SLC35F3: variants seen among roughly 807,000 people sequenced by gnomAD.
The protein encoded by SLC35F3 is putative thiamine transporter SLC35F3.
SLC35F3 carries 25 observed loss-of-function variants against 49.9 expected under a neutral mutation model. The ratio of observed to expected loss-of-function variants is 0.50; its 90% CI spans 0.37 to 0.70. SLC35F3 has a LOEUF of 0.70. SLC35F3 is among the 30% of genes least tolerant of loss of function. The pLI, the probability that SLC35F3 is intolerant of heterozygous loss-of-function variation, is 0.00. For synonymous variants in SLC35F3, 275 were observed against 265.4 expected (o/e 1.04, Z -0.35); for missense variants, 525 against 639.8 (o/e 0.82, Z 1.94).
intron 2 of SLC35F3, among the ~76,000 whole-genome samples, chr1:234,181,338 G>GAAAAAAAAAAAAAAAAGAAAAAAAAAAAA (rs1666553244): frequency 2.1e-5 from 2 of 97,310 alleles, no homozygotes; most frequent in African/African-American, 3.9e-5. Context: ...TCTGTCTCAA[G>GAAAAAAAAAAAAAAAAGAAAAAAAAAAAA]AAAAAAAAAA....
At chr1:234,075,905 A>G (rs1054114803) in intron 2 of SLC35F3, among the ~76,000 whole-genome samples, 1 of 152,204 alleles carries the variant, frequency 6.6e-6, no homozygotes, top group Non-Finnish European at 1.5e-5. Flanking sequence ...TTCTCCTGCA[A>G]CTTGTGGATT....
At chr1:234,300,216 G>T (rs953111609) in intron 3 of SLC35F3, among the ~76,000 whole-genome samples, 1 of 152,142 alleles carries the variant, frequency 6.6e-6, no homozygotes, top group Non-Finnish European at 1.5e-5. Flanking sequence ...TGCTACTGGG[G>T]GAAAACTAGT....
In SLC35F3 at chr1:233,989,188, T is replaced by C. The variant is rs1196740568; in HGVS notation, c.283+83430T>C. Among the ~76,000 whole-genome samples, 5 of 152,288 alleles carry C rather than the reference T, an allele frequency of 3.3e-5. No individual in the cohort carries two copies. The East Asian group carries it at 9.6e-4, about 29-fold the overall frequency. On this transcript the variant is annotated intron_variant, in intron 2 of 7. Transcript: ENST00000366618. ...GACAGTGGGGCTGCACGCATTCTCT[T>C]TCAGAATGTTTAAATACATCACCCT... is the stretch of plus-strand genomic sequence containing the variant.
chr1:234,012,635 C>T (rs112594945), intron 2 of SLC35F3, among the ~76,000 whole-genome samples: 4,650 of 152,330 alleles, frequency 0.031, 215 homozygotes, highest in African/African-American at 0.1. Context: ...TCCCTTAAAC[C>T]TTGATTTCAT....
chr1:234,175,095 C>A (rs1278832496), intron 2 of SLC35F3, among the ~76,000 whole-genome samples: 1 of 152,170 alleles, frequency 6.6e-6, no homozygotes, highest in African/African-American at 2.4e-5. Context: ...CTCAGAAAGA[C>A]GCATACGGCT....
intron 2 of SLC35F3, among the ~76,000 whole-genome samples, chr1:233,933,231 CAGCTTGAACAA>C (rs779519482): frequency 1.7e-4 from 26 of 152,218 alleles, no homozygotes; most frequent in Non-Finnish European, 2.6e-4. Context: ...ATGAAAGAAG[CAGCTTGAACAA>C]AGGTTTGAGG....
chr1:234,018,355 C>G (rs1367703441), intron 2 of SLC35F3, among the ~76,000 whole-genome samples: 1 of 152,198 alleles, frequency 6.6e-6, no homozygotes, highest in Non-Finnish European at 1.5e-5. Context: ...CCCACCTCCT[C>G]CATTCAGCTG....
intron 2 of SLC35F3, among the ~76,000 whole-genome samples, chr1:234,075,480 T>G (rs960798405): frequency 7.2e-5 from 11 of 152,222 alleles, no homozygotes; most frequent in South Asian, 4.1e-4. Context: ...GCTAGGCACA[T>G]TGTGCTGATA....
chr1:234,234,717 G>T (rs1401091964), intron 3 of SLC35F3, among the ~76,000 whole-genome samples: 1 of 152,104 alleles, frequency 6.6e-6, no homozygotes, highest in Non-Finnish European at 1.5e-5. Flanking sequence ...TCCTCTTCAA[G>T]CCCTGGTCCT....
Position 234,143,904 on chromosome 1 carries a change from A to G in SLC35F3, c.284-87513A>G, listed in dbSNP as rs148818596. The stretch of plus-strand genomic sequence containing the variant: ...CCCAGAAGTGGGATGGCTGGGTCAT[A>G]TGATGGAGGGATCTCTTGTTTACAG... On this transcript the variant is annotated intron_variant, in intron 2 of 7. Transcript: ENST00000366618. Among the ~76,000 whole-genome samples, 397 of 152,226 alleles carry G rather than the reference A, an allele frequency of 2.6e-3. 1 individual carries two copies. Among genetic ancestry groups the G allele is most frequent in the African/African-American group, 8.0e-3 (334 of 41,556 alleles).
intron 2 of SLC35F3, among the ~76,000 whole-genome samples, chr1:234,143,817 A>G (rs1408608181): frequency 6.6e-6 from 1 of 152,192 alleles, no homozygotes; most frequent in Non-Finnish European, 1.5e-5. Flanking sequence ...TGATGTTGCA[A>G]TGAACATGGG....
intron 2 of SLC35F3, among the ~76,000 whole-genome samples, chr1:234,131,285 G>T (rs1251101625): frequency 6.6e-6 from 1 of 152,114 alleles, no homozygotes; most frequent in East Asian, 1.9e-4. Flanking sequence ...GGAAAATATG[G>T]GAAATAATTA....
At chr1:234,250,972 G>A (rs1373275296) in intron 3 of SLC35F3, among the ~76,000 whole-genome samples, 1 of 152,134 alleles carries the variant, frequency 6.6e-6, no homozygotes, top group African/African-American at 2.4e-5. Flanking sequence ...CTGGGGATCA[G>A]ATTTCAACAT....
At chr1:234,107,013 A>G (rs552854601) in intron 2 of SLC35F3, among the ~76,000 whole-genome samples, 9 of 152,254 alleles carry the variant, frequency 5.9e-5, no homozygotes, top group South Asian at 2.1e-4. Context: ...TTATGTAACA[A>G]CCAAACTCAA....
In SLC35F3 at chr1:233,993,721, C is replaced by T. The variant is rs567408700; in HGVS notation, c.283+87963C>T. On this transcript the variant is annotated intron_variant, in intron 2 of 7. Coordinates refer to ENST00000366618, the MANE Select transcript of SLC35F3 (RefSeq NM_173508.4). ...CTAGTTCAGTCACTATTCTCAACAA[C>T]ACCTGACCTCCTGAAATCTCGGATC... 8.5e-5 allele frequency among the ~76,000 whole-genome samples: 13 copies of T among 152,292 alleles called. No individual in the cohort carries two copies. The South Asian group carries it at 2.5e-3, about 29-fold the overall frequency.
intron 2 of SLC35F3, among the ~76,000 whole-genome samples, chr1:233,919,075 C>G (rs527541316): frequency 1.2e-4 from 19 of 152,092 alleles, no homozygotes; most frequent in African/African-American, 4.3e-4. Flanking sequence ...TTCAACCTTT[C>G]TGTAAATGTG....
intron 2 of SLC35F3, among the ~76,000 whole-genome samples, chr1:233,951,475 T>C (rs1662607317): frequency 6.6e-6 from 1 of 152,076 alleles, no homozygotes; most frequent in African/African-American, 2.4e-5. Flanking sequence ...CATTATACCA[T>C]ATTTTTTTCT....
rs1657291570 is a variant in SLC35F3 at position 234,309,305 on chromosome 1, A to G, written c.813A>G (p.Arg271=). The change falls in exon 4 of 8, where the codon AGA becomes AGG. Residue 271 remains arginine (R), a synonymous_variant. Coordinates refer to ENST00000366618, the MANE Select transcript of SLC35F3 (RefSeq NM_173508.4). ...TCTCATGGATCGTTCTCAGGGACAG[A>G]TTCATGGGAGTGAGGGTAAGTTCCT... The part of the protein sequence containing the change: ...FLLSWIVLRD[R]FMGVRIVAAI... 4 of 1,614,194 alleles carry G rather than the reference A, an allele frequency of 2.5e-6. No individual in the cohort carries two copies. Among genetic ancestry groups the G allele is most frequent in the Non-Finnish European group, 3.4e-6 (4 of 1,180,004 alleles).
chr1:234,020,995 T>C lies in SLC35F3; in HGVS notation c.283+115237T>C, dbSNP rs550436223. 3.3e-5 allele frequency among the ~76,000 whole-genome samples: 5 copies of C among 152,344 alleles called. 1 individual carries two copies. In the South Asian group the frequency reaches 1.0e-3, roughly 32 times the overall value. ...GTTCTCAGAAGGCCGCATAAAGGCA[T>C]AGCTGCGGAGATTTTAGATTTTGGA... On this transcript the variant is annotated intron_variant, in intron 2 of 7. Transcript: ENST00000366618.
Sources: allele counts gnomAD v4.1 joint callset (sites outside exome capture counted in the v4.1 genomes callset), GRCh38; gene constraint gnomAD v4.1.1; transcripts MANE v1.5; gene names NCBI Gene and HGNC (gene_info 2026-07-23, HGNC 2026-07-21).